Variants in GFOD1 observed in about 807,000 individuals in gnomAD.
GFOD1 encodes the protein Gfo/Idh/MocA-like oxidoreductase domain containing 1, also known as glucose-fructose oxidoreductase domain-containing protein 1.
GFOD1 carries 9 observed loss-of-function variants against 25.4 expected under a neutral mutation model. That is an observed-to-expected ratio of 0.35 (90% CI 0.21 to 0.62). The LOEUF (loss-of-function observed/expected upper bound fraction) is 0.62, where lower values mean the gene tolerates loss of function less well. Ranked by LOEUF, GFOD1 falls within the 20% of genes least tolerant of loss-of-function variation. The probability of loss-of-function intolerance (pLI) is 0.72; values close to 1 mark genes in which losing one functional copy is unlikely to be tolerated. For missense variants in GFOD1, 403 were observed against 556.9 expected (o/e 0.72, Z 2.78); for synonymous variants, 253 against 245.6 (o/e 1.03, Z -0.28).
chr6:13,398,377 T>C (rs996449934), intron 1 of GFOD1, among the ~76,000 whole-genome samples: 6 of 152,236 alleles, frequency 3.9e-5, no homozygotes, highest in African/African-American at 1.4e-4. Context: ...GTTTCGAGTT[T>C]ATCCTTTTGA....
chr6:13,402,517 G>A (rs1202484738), intron 1 of GFOD1, among the ~76,000 whole-genome samples: 1 of 151,986 alleles, frequency 6.6e-6, no homozygotes, highest in African/African-American at 2.4e-5. Context: ...AATGAGAAAG[G>A]ATCTAAATGG....
chr6:13,468,080 G>A (rs1358725554), intron 1 of GFOD1, among the ~76,000 whole-genome samples: 1 of 151,792 alleles, frequency 6.6e-6, no homozygotes, highest in Non-Finnish European at 1.5e-5. Context: ...TTTTCATTAT[G>A]ATATTTTTTT....
chr6:13,384,473 C>T (rs1272025780), intron 1 of GFOD1, among the ~76,000 whole-genome samples: 1 of 152,160 alleles, frequency 6.6e-6, no homozygotes, highest in Non-Finnish European at 1.5e-5. Flanking sequence ...AGAATGTCTG[C>T]GTCCTCCTAC....
chr6:13,433,748 TTGCATTCCCTCTCTCTTCAG>T, intron 1 of GFOD1, among the ~76,000 whole-genome samples: 1 of 152,180 alleles, frequency 6.6e-6, no homozygotes, highest in East Asian at 1.9e-4. Flanking sequence ...AGAGGTGACA[TTGCATTCCCTCTCTCTTCAG>T]TGCACTGCCA....
chr6:13,478,290 A>G (rs1387581255), intron 1 of GFOD1, among the ~76,000 whole-genome samples: 1 of 151,888 alleles, frequency 6.6e-6, no homozygotes, highest in African/African-American at 2.4e-5. Context: ...CAGGTGCACA[A>G]CACCACTCCC....
intron 1 of GFOD1, among the ~76,000 whole-genome samples, chr6:13,426,556 CG>C (rs1037448330): frequency 1.3e-5 from 2 of 152,122 alleles, no homozygotes; most frequent in African/African-American, 4.8e-5. Context: ...CTTAAACGCC[CG>C]GGAAGCGGCC....
At chr6:13,420,232 C>A (rs1169452222) in intron 1 of GFOD1, among the ~76,000 whole-genome samples, 1 of 152,200 alleles carries the variant, frequency 6.6e-6, no homozygotes, top group Non-Finnish European at 1.5e-5. Context: ...AGATTTGTTT[C>A]CAAATAGATA....
At chr6:13,471,754 A>T (rs991806582) in intron 1 of GFOD1, among the ~76,000 whole-genome samples, 2 of 152,158 alleles carry the variant, frequency 1.3e-5, no homozygotes, top group Non-Finnish European at 2.9e-5. Flanking sequence ...TAAGTGACTG[A>T]TTTACCCATT....
chr6:13,407,394 C>T (rs558242), intron 1 of GFOD1, among the ~76,000 whole-genome samples: 87,550 of 152,132 alleles, frequency 0.58, 28,903 homozygotes, highest in Non-Finnish European at 0.73. Flanking sequence ...GAATCTTACA[C>T]CCCTACCAGC....
chr6:13,460,478 G>A (rs1023944062), intron 1 of GFOD1, among the ~76,000 whole-genome samples: 4 of 152,202 alleles, frequency 2.6e-5, no homozygotes, highest in African/African-American at 4.8e-5. Flanking sequence ...ATACTATGCA[G>A]CCATAAAAAG....
intron 1 of GFOD1, among the ~76,000 whole-genome samples, chr6:13,431,874 C>G (rs1757754918): frequency 6.6e-6 from 1 of 152,202 alleles, no homozygotes; most frequent in South Asian, 2.1e-4. Context: ...CAAAGCTTGG[C>G]AGAAATATTT....
chr6:13,416,294 T>C (rs997686679), intron 1 of GFOD1, among the ~76,000 whole-genome samples: 2 of 152,196 alleles, frequency 1.3e-5, no homozygotes, highest in Non-Finnish European at 2.9e-5. Context: ...AAGTATGCTT[T>C]ATAGCAGTGT....
chr6:13,474,479 G>A (rs1372845034), intron 1 of GFOD1, among the ~76,000 whole-genome samples: 4 of 152,104 alleles, frequency 2.6e-5, no homozygotes, highest in Non-Finnish European at 5.9e-5. Flanking sequence ...CCAGGTGATC[G>A]ACCCTTAATC....
At chr6:13,378,627 T>A (rs1036121780) in intron 1 of GFOD1, among the ~76,000 whole-genome samples, 2 of 152,054 alleles carry the variant, frequency 1.3e-5, no homozygotes, top group Admixed American at 6.5e-5. Context: ...CACAGCTGAA[T>A]AAAGGAAGTC....
At chr6:13,437,764 C>T (rs1468816911) in intron 1 of GFOD1, among the ~76,000 whole-genome samples, 1 of 152,176 alleles carries the variant, frequency 6.6e-6, no homozygotes, top group Non-Finnish European at 1.5e-5. Flanking sequence ...GCAGTCACTG[C>T]TATGTCTGGT....
chr6:13,358,758 T>C lies in GFOD1; in HGVS notation c.*5985A>G, dbSNP rs1047409636. 1.3e-4 allele frequency: 20 copies of C among 152,388 alleles called. No homozygotes were observed. Among genetic ancestry groups the C allele is most frequent in the African/African-American group, 4.6e-4 (19 of 41,482 alleles). The allele number at this position is 152,388 out of a possible 1,614,324, so 9.4% of individuals were successfully genotyped here. A position where few individuals can be genotyped will look rare whatever the true frequency, so the allele number is the denominator to read the frequency against. ...AGACAGTGACCTGGTGACAACTCCA[T>C]GACTATTGTCTAGCCCCTGCCTACA... On this transcript the variant is annotated 3_prime_UTR_variant, in exon 2 of 2. Transcript: ENST00000379287.
intron 1 of GFOD1, among the ~76,000 whole-genome samples, chr6:13,424,346 G>T (rs1786313964): frequency 6.7e-6 from 1 of 149,690 alleles, no homozygotes; most frequent in East Asian, 1.9e-4. Flanking sequence ...TTAGGAAGAT[G>T]ATGATGATGA....
At chr6:13,480,932 T>G (rs901850551) in intron 1 of GFOD1, among the ~76,000 whole-genome samples, 2 of 152,196 alleles carry the variant, frequency 1.3e-5, no homozygotes, top group African/African-American at 4.8e-5. Context: ...CCCCCAGGCA[T>G]ACATGTATTC....
At chr6:13,413,377 C>T (rs922839804) in intron 1 of GFOD1, among the ~76,000 whole-genome samples, 1 of 152,206 alleles carries the variant, frequency 6.6e-6, no homozygotes, top group African/African-American at 2.4e-5. Context: ...GGCACATCAG[C>T]ACAGCTGGAG....
Sources: gnomAD v4.1 joint callset for allele counts (sites outside exome capture counted in the v4.1 genomes callset) on GRCh38, gnomAD v4.1.1 for gene constraint, MANE v1.5 for transcripts, NCBI Gene and HGNC (gene_info 2026-07-23, HGNC 2026-07-21) for gene names.